Variants in CHD2 observed in about 807,000 individuals in gnomAD.
CHD2 encodes chromodomain helicase DNA binding protein 2.
In CHD2, 28 loss-of-function variants were observed where a neutral mutation model predicts 243.9. The ratio of observed to expected loss-of-function variants is 0.11; its 90% confidence interval spans 0.09 to 0.16. The LOEUF (loss-of-function observed/expected upper bound fraction) is 0.16. Ranked by LOEUF, CHD2 falls within the 10% of genes least tolerant of loss-of-function variation. CHD2 has a pLI of 1.00. For missense variants in CHD2, 1,386 were observed against 2,209.8 expected, an observed-to-expected ratio of 0.63 and a Z score of 7.47; for synonymous variants, 775 against 779.0, an observed-to-expected ratio of 0.99 and a Z score of 0.09.
chr15:93,016,083 A>C (rs937830732), intron 37 of CHD2, among the ~76,000 whole-genome samples: 1 of 152,074 alleles, frequency 6.6e-6, no homozygotes, highest in African/African-American at 2.4e-5. Context: ...ATTATTTACG[A>C]TAGCCAAGAT....
chr15:92,912,144 T>C (rs965854404), intron 2 of CHD2, among the ~76,000 whole-genome samples: 8 of 152,122 alleles, frequency 5.3e-5, no homozygotes, highest in South Asian at 2.1e-4. Flanking sequence ...TTGCTTCAAG[T>C]TTGTTTTTTT....
At chr15:92,936,739 T>A (rs1278595933) in intron 5 of CHD2, among the ~76,000 whole-genome samples, 1 of 152,192 alleles carries the variant, frequency 6.6e-6, no homozygotes, top group Admixed American at 6.5e-5. Flanking sequence ...TCAGAGTTTC[T>A]ACCCAGTATC....
intron 21 of CHD2, 48 bp from the exon 22 acceptor site, chr15:92,979,087 G>A (rs1439449269): frequency 6.3e-7 from 1 of 1,591,418 alleles, no homozygotes; most frequent in African/African-American, 1.4e-5. Flanking sequence ...TTTTTGGGGG[G>A]GTTGGGGGGT....
intron 2 of CHD2, chr15:92,904,947 C>A (rs1191320279): frequency 3.3e-6 from 5 of 1,535,826 alleles, no homozygotes; most frequent in Non-Finnish European, 4.4e-6. Flanking sequence ...GAACTTGTCC[C>A]CATGCGTTTT....
chr15:92,934,768 C>T (rs796903787), intron 5 of CHD2, among the ~76,000 whole-genome samples: 2 of 152,104 alleles, frequency 1.3e-5, no homozygotes, highest in Admixed American at 1.3e-4. Flanking sequence ...GAAAAGAAAA[C>T]GTGAAAGAAT....
chr15:92,972,440 T>A, intron 19 of CHD2, 23 bp downstream of exon 19: 1 of 1,565,902 alleles, frequency 6.4e-7, no homozygotes, highest in Non-Finnish European at 8.6e-7. Flanking sequence ...CAGTAATTGC[T>A]GTGGGGGGAA....
intron 5 of CHD2, among the ~76,000 whole-genome samples, chr15:92,931,472 T>C (rs1406071522): frequency 6.6e-6 from 1 of 152,086 alleles, no homozygotes; most frequent in Non-Finnish European, 1.5e-5. Flanking sequence ...CTCAATCTCC[T>C]GAGCTCAAGT....
At chr15:92,940,436 G>C (rs192584071) in intron 7 of CHD2, among the ~76,000 whole-genome samples, 1 of 152,100 alleles carries the variant, frequency 6.6e-6, no homozygotes, top group Admixed American at 6.5e-5. Flanking sequence ...AAAAAAGCTA[G>C]ATCCTGTCTC....
In CHD2 at chr15:92,969,812, C is replaced by A. The variant is rs1276417255; in HGVS notation, c.2190-1953C>A. Among the ~76,000 whole-genome samples, 3 of 132,602 alleles carry A rather than the reference C, an allele frequency of 2.3e-5. No individual in the cohort carries two copies. In the Admixed American group the frequency reaches 2.3e-4, roughly 10 times the overall value. The allele number at this position is 132,602 out of a possible 152,430, so 87.0% of individuals were successfully genotyped here. On this transcript the variant is annotated intron_variant, in intron 17 of 38. Transcript: ENST00000394196. Reference sequence around the variant, plus strand: ...AATAGTAAAAACAGGTTAAGATTTTCTTTTTTTTTTTTTTTTTGAGACGGA... The same window carrying A: ...AATAGTAAAAACAGGTTAAGATTTTATTTTTTTTTTTTTTTTTGAGACGGA...
chr15:92,949,637 A>C (rs1377818174), intron 13 of CHD2, among the ~76,000 whole-genome samples: 1 of 152,198 alleles, frequency 6.6e-6, no homozygotes, highest in Non-Finnish European at 1.5e-5. Context: ...AAAAAAGATG[A>C]GACAGTGATA....
chr15:92,928,010 G>C (rs2141753706), intron 4 of CHD2, among the ~76,000 whole-genome samples: 1 of 152,204 alleles, frequency 6.6e-6, no homozygotes, highest in East Asian at 1.9e-4. Context: ...ATCCTGAAGA[G>C]AGATTCTTTT....
At chr15:93,011,145 C>G (rs567286317) in intron 35 of CHD2, among the ~76,000 whole-genome samples, 6 of 152,046 alleles carry the variant, frequency 3.9e-5, no homozygotes, top group Admixed American at 2.6e-4. Flanking sequence ...GTGAACAGAC[C>G]CATTTTTAAA....
In CHD2 at chr15:92,979,293, A is replaced by G. The variant is rs2053946994; in HGVS notation, c.2876+10A>G. The stretch of plus-strand genomic sequence containing the variant: ...ACTCAGGAAGGTCCAAGTAAGTGCC[A>G]GGAAGATTGGGAGGTAGGCAGAATC... On this transcript the variant is annotated intron_variant, in intron 22 of 38. Coordinates refer to ENST00000394196, the MANE Select transcript of CHD2 (RefSeq NM_001271.4). The G allele has an allele frequency of 6.2e-7, 1 of 1,612,964 alleles. No individual in the cohort carries two copies. Among genetic ancestry groups the G allele is most frequent in the Non-Finnish European group, 8.5e-7 (1 of 1,179,524 alleles).
chr15:92,963,126 C>G (rs1158530398), intron 16 of CHD2, among the ~76,000 whole-genome samples: 1 of 152,186 alleles, frequency 6.6e-6, no homozygotes, highest in Non-Finnish European at 1.5e-5. Context: ...TTTATCCAGG[C>G]AAATAATCCT....
intron 34 of CHD2, among the ~76,000 whole-genome samples, chr15:93,007,067 A>G (rs766921009): frequency 3.3e-5 from 5 of 152,258 alleles, no homozygotes; most frequent in Non-Finnish European, 5.9e-5. Flanking sequence ...GGCTTGAGCA[A>G]AAATGGTGGG....
intron 28 of CHD2, chr15:92,993,234 T>G (rs79306386): frequency 3.3e-5 from 14 of 429,760 alleles, no homozygotes; most frequent in African/African-American, 1.8e-4. Flanking sequence ...TGGTTTTTTT[T>G]TGTGTTGCTG....
rs1182237279 is a variant in CHD2 at position 92,998,727 on chromosome 15, C to T, written c.4008+106C>T. On this transcript the variant is annotated intron_variant, in intron 31 of 38. Coordinates refer to ENST00000394196, the MANE Select transcript of CHD2 (RefSeq NM_001271.4). The surrounding 1 kb of genome is among the most constrained non-coding windows in gnomAD (Gnocchi z 5.1). ...CTCTGAGCACTGCACAGAATGTCAC[C>T]TTCTCATGGGCATATTTTGTTTTTG... is the stretch of plus-strand genomic sequence containing the variant. 5.2e-6 allele frequency: 7 copies of T among 1,352,430 alleles called. No homozygotes were observed. The highest frequency in any genetic ancestry group is 6.0e-6 in the Non-Finnish European group (6 of 992,510). The allele number at this position is 1,352,430 out of a possible 1,614,324, so 83.8% of individuals were successfully genotyped here.
intron 22 of CHD2, among the ~76,000 whole-genome samples, chr15:92,979,548 A>G (rs1425138374): frequency 2.6e-5 from 4 of 151,946 alleles, no homozygotes; most frequent in Non-Finnish European, 4.4e-5. Context: ...TGACACAGCA[A>G]CAGCAGTGGA....
intron 12 of CHD2, 34 bp from the exon 13 acceptor site, chr15:92,948,918 A>G: frequency 6.3e-7 from 1 of 1,599,850 alleles, no homozygotes; most frequent in Non-Finnish European, 8.5e-7. Context: ...TAGCAGTAAG[A>G]ACATTTTCTC....
Sources: allele counts gnomAD v4.1 joint callset (sites outside exome capture counted in the v4.1 genomes callset), GRCh38; gene constraint gnomAD v4.1.1; non-coding constraint Gnocchi (gnomAD v3.1); transcripts MANE v1.5; gene names NCBI Gene and HGNC (gene_info 2026-07-23, HGNC 2026-07-21).